ZFHX3: variants seen among roughly 807,000 people sequenced by gnomAD.
The protein encoded by ZFHX3 is zinc finger homeobox protein 3.
ZFHX3 carries 42 observed loss-of-function variants against 279.1 expected under a neutral mutation model. The observed-to-expected ratio is 0.15, with a 90% CI of 0.12 to 0.19. The LOEUF (loss-of-function observed/expected upper bound fraction) is 0.19, where lower values mean the gene tolerates loss of function less well. Among genes scored for constraint, ZFHX3 ranks in the 10% least tolerant of loss-of-function variants. ZFHX3 has a pLI of 1.00. For synonymous variants in ZFHX3, 2,293 were observed against 1,957.8 expected, an observed-to-expected ratio of 1.17 and a Z score of -4.52; for missense variants, 4,981 against 4,754.0, an observed-to-expected ratio of 1.05 and a Z score of -1.40.
At chr16:73,067,360 T>A (rs560589878) in intron 8 of ZFHX3, among the ~76,000 whole-genome samples, 5 of 152,266 alleles carry the variant, frequency 3.3e-5, no homozygotes, top group East Asian at 1.9e-4. Flanking sequence ...ACTGGAACAG[T>A]GGTGCGCGCT....
chr16:73,797,626 C>G (rs1960031814), intron 1 of ZFHX3, among the ~76,000 whole-genome samples: 1 of 127,532 alleles, frequency 7.8e-6, no homozygotes, highest in Admixed American at 7.7e-5. Flanking sequence ...ACGGTAGAGG[C>G]AGGGGCTGGT....
chr16:73,337,186 T>C (rs2015930031), intron 3 of ZFHX3, among the ~76,000 whole-genome samples: 1 of 152,200 alleles, frequency 6.6e-6, no homozygotes, highest in Non-Finnish European at 1.5e-5. Context: ...TTATCCTTCA[T>C]GGCTGTGTGC....
intron 3 of ZFHX3, among the ~76,000 whole-genome samples, chr16:72,892,615 C>A (rs2038801182): frequency 6.6e-6 from 1 of 151,278 alleles, no homozygotes; most frequent in Non-Finnish European, 1.5e-5. Context: ...TCAAGCAATT[C>A]TCCTGCCTCA....
At chr16:73,760,054 G>T (rs2053848209) in intron 1 of ZFHX3, among the ~76,000 whole-genome samples, 1 of 150,094 alleles carries the variant, frequency 6.7e-6, no homozygotes, top group African/African-American at 2.4e-5. Context: ...CTGGCTAGAT[G>T]AATAAAGAAG....
At chr16:73,453,622 C>T (rs1413291049) in intron 3 of ZFHX3, among the ~76,000 whole-genome samples, 3 of 152,156 alleles carry the variant, frequency 2.0e-5, no homozygotes, top group Non-Finnish European at 2.9e-5. Flanking sequence ...AGTCCAGCCC[C>T]GTGGATTCCA....
intron 2 of ZFHX3, chr16:73,486,737 T>C (rs1000247816): frequency 2.3e-6 from 1 of 435,772 alleles, no homozygotes; most frequent in Admixed American, 2.5e-5. Flanking sequence ...CTCTTGCTCA[T>C]TTTTTTTTCT....
chr16:73,832,486 A>C (rs1201987435), intron 1 of ZFHX3, among the ~76,000 whole-genome samples: 1 of 152,246 alleles, frequency 6.6e-6, no homozygotes, highest in East Asian at 1.9e-4. Flanking sequence ...ACATCCCTTG[A>C]TAACTAACTT....
intron 4 of ZFHX3, among the ~76,000 whole-genome samples, chr16:72,834,317 T>G (rs377695248): frequency 2.6e-5 from 4 of 152,336 alleles, no homozygotes; most frequent in African/African-American, 9.6e-5. Flanking sequence ...CAGATAGCAC[T>G]TACTTACTAG....
intron 3 of ZFHX3, among the ~76,000 whole-genome samples, chr16:73,443,909 C>T (rs1267959875): frequency 6.6e-6 from 1 of 151,984 alleles, no homozygotes; most frequent in Non-Finnish European, 1.5e-5. Context: ...TGTGTGCCAC[C>T]ATGCCCAGCT....
chr16:72,988,314 C>T (rs1257693346), intron 1 of ZFHX3, among the ~76,000 whole-genome samples: 1 of 152,174 alleles, frequency 6.6e-6, no homozygotes, highest in Non-Finnish European at 1.5e-5. Flanking sequence ...CAGCCAGTCC[C>T]GGAGCTACTC....
chr16:73,197,111 T>A (rs548187332), intron 5 of ZFHX3, among the ~76,000 whole-genome samples: 1 of 152,338 alleles, frequency 6.6e-6, no homozygotes, highest in African/African-American at 2.4e-5. Flanking sequence ...CCCCTTCAAC[T>A]TTAATGCATT....
At chr16:73,297,594 T>C (rs2014947599) in intron 4 of ZFHX3, among the ~76,000 whole-genome samples, 1 of 152,018 alleles carries the variant, frequency 6.6e-6, no homozygotes, top group Non-Finnish European at 1.5e-5. Context: ...CTGCTTGCTT[T>C]AGCATGCAGG....
Position 73,477,975 on chromosome 16 carries a change from T to A in ZFHX3, c.-1546-21717A>T, listed in dbSNP as rs182426959. 3.2e-3 allele frequency among the ~76,000 whole-genome samples: 491 copies of A among 152,218 alleles called. 3 individuals are homozygous for A. The highest frequency in any genetic ancestry group is 0.011 in the African/African-American group (464 of 41,542). On this transcript the variant is annotated intron_variant, in intron 2 of 17. Transcript: ENST00000641206. ...TTGTTGTTTTTGTTGTCTTCTTTTT[T>A]AAAAATTGAGTCAGAGGCTGGGCGC...
intron 1 of ZFHX3, among the ~76,000 whole-genome samples, chr16:73,886,374 T>C (rs756832836): frequency 1.3e-5 from 2 of 152,064 alleles, no homozygotes; most frequent in Non-Finnish European, 2.9e-5. Flanking sequence ...AAAGCTTACA[T>C]TTGAAAGAAA....
In ZFHX3 at chr16:73,213,400, C is replaced by G. The variant is rs117734497; in HGVS notation, c.-1104+43647G>C. Among the ~76,000 whole-genome samples, 499 of 152,276 alleles carry G rather than the reference C, an allele frequency of 3.3e-3. 19 individuals carry two copies. In the East Asian group the frequency reaches 0.086, roughly 26 times the overall value. On this transcript the variant is annotated intron_variant, in intron 5 of 17. Coordinates refer to the ZFHX3 transcript ENST00000641206. ...AAGCACCAATTATTTGGCAAACAAT[C>G]ACAACTAACCAGAACTTAGCTCGAC...
chr16:73,493,346 C>T (rs2019085889), intron 2 of ZFHX3, among the ~76,000 whole-genome samples: 1 of 152,198 alleles, frequency 6.6e-6, no homozygotes, highest in Non-Finnish European at 1.5e-5. Context: ...TTTCCAGAAA[C>T]TTCCATGGCT....
At chr16:73,377,622 T>C (rs746344397) in intron 3 of ZFHX3, among the ~76,000 whole-genome samples, 1 of 151,952 alleles carries the variant, frequency 6.6e-6, no homozygotes, top group African/African-American at 2.4e-5. Flanking sequence ...CGTATGAACA[T>C]ACCATCATGG....
chr16:73,341,011 G>C (rs551122410), intron 3 of ZFHX3, among the ~76,000 whole-genome samples: 4 of 152,060 alleles, frequency 2.6e-5, no homozygotes, highest in Admixed American at 2.6e-4. Flanking sequence ...TTGTATCACC[G>C]GCCAAAGGCT....
At chr16:73,127,297 G>C (rs1182922016) in intron 7 of ZFHX3, 2 of 1,272,070 alleles carry the variant, frequency 1.6e-6, no homozygotes, top group Non-Finnish European at 2.1e-6. Context: ...GCAGAGAAGA[G>C]GGAAGAAGGA....
Sources: gnomAD v4.1 joint callset for allele counts (sites outside exome capture counted in the v4.1 genomes callset) on GRCh38, gnomAD v4.1.1 for gene constraint, MANE v1.5 for transcripts, NCBI Gene and HGNC (gene_info 2026-07-23, HGNC 2026-07-21) for gene names.